Variants in SAMHD1 observed in about 807,000 individuals in gnomAD.
SAMHD1 encodes SAM and HD domain containing deoxynucleoside triphosphate triphosphohydrolase 1.
A neutral mutation model predicts 79.6 loss-of-function variants in SAMHD1; 54 were observed. The observed-to-expected ratio is 0.68, with a 90% CI of 0.55 to 0.85. SAMHD1 has a LOEUF of 0.85. Among genes scored for constraint, SAMHD1 ranks in the 40% least tolerant of loss-of-function variants. The pLI, the probability that SAMHD1 is intolerant of heterozygous loss-of-function variation, is 0.00. For synonymous variants in SAMHD1, 260 were observed against 264.1 expected, an observed-to-expected ratio of 0.98 and a Z score of 0.15; for missense variants, 663 against 782.7, an observed-to-expected ratio of 0.85 and a Z score of 1.82.
At chr20:36,927,059 C>G in intron 6 of SAMHD1, 123 bp downstream of exon 6, 1 of 842,968 alleles carries the variant, frequency 1.2e-6, no homozygotes, top group Non-Finnish European at 2.0e-6. Flanking sequence ...AATGAAAGCA[C>G]CCTGGACACT....
chr20:36,920,783 C>G (rs2063499549), intron 6 of SAMHD1, among the ~76,000 whole-genome samples: 2 of 149,226 alleles, frequency 1.3e-5, no homozygotes, highest in Admixed American at 1.3e-4. Flanking sequence ...AAAAAAAAAC[C>G]CACAAAAACA....
chr20:36,898,104 T>C, intron 14 of SAMHD1, 145 bp from the exon 15 acceptor site: 1 of 1,023,184 alleles, frequency 9.8e-7, no homozygotes, highest in Non-Finnish European at 1.5e-6. Context: ...CAATCACAGC[T>C]CACTGAAGCC....
chr20:36,912,777 T>G (rs996504893), intron 9 of SAMHD1, among the ~76,000 whole-genome samples: 1 of 142,168 alleles, frequency 7.0e-6, no homozygotes, highest in African/African-American at 2.6e-5. Flanking sequence ...TTTTTTTTTT[T>G]AAAAGATGAG....
At chr20:36,930,445 G>A (rs532414292) in intron 5 of SAMHD1, among the ~76,000 whole-genome samples, 40 of 151,316 alleles carry the variant, frequency 2.6e-4, no homozygotes, top group African/African-American at 9.5e-4. Flanking sequence ...GCAGTGAACC[G>A]ATAATGAGCC....
At position 36,947,310 on chromosome 20, in the gene SAMHD1, G is replaced by GGTGTGTGTGT. The variant is rs35061251; in HGVS notation, c.209-516_209-507dup. Among the ~76,000 whole-genome samples, 279 of 85,132 alleles carry GGTGTGTGTGT rather than the reference G, an allele frequency of 3.3e-3. 16 individuals are homozygous for GGTGTGTGTGT. The highest frequency in any genetic ancestry group is 0.013 in the South Asian group (23 of 1,840). 55.8% of individuals were successfully genotyped at this position (85,132 alleles called of 152,430 possible). ...GCACTCAATACTCTGATTTGGAAGA[G>GGTGTGTGTGT]GTGTGTGTGTGTGTGTGTGTGTGTG... On this transcript the variant is annotated intron_variant, in intron 1 of 15. Transcript: ENST00000646673.
In SAMHD1 at chr20:36,917,061, G is replaced by A; in HGVS notation, c.853-12C>T. On this transcript the variant is annotated splice_polypyrimidine_tract_variant and intron_variant, in intron 7 of 15. Coordinates refer to ENST00000646673, the MANE Select transcript of SAMHD1 (RefSeq NM_015474.4). ...CCTTTATATGGCCACTGGAAGGCAA[G>A]AAAACCCACTGGAAGTTTTAGGATA... 6.3e-7 allele frequency: 1 copy of A among 1,579,484 alleles called. No homozygotes were observed. The highest frequency in any genetic ancestry group is 8.7e-7 in the Non-Finnish European group (1 of 1,148,794).
At position 36,951,577 on chromosome 20, in the gene SAMHD1, A is replaced by AG. The variant is rs1442728513; in HGVS notation, c.66dup (p.Ser23LeufsTer38). ...TCTGCCTCTGCGGAAGGGGTGTTTG[A>AG]GGGGGTTCTCGGGCTGTCATCGCAA... On this transcript the variant is annotated frameshift_variant, in exon 1 of 16. Transcript: ENST00000646673. LOFTEE classifies it high-confidence loss of function. The AG allele has an allele frequency of 6.2e-7, 1 of 1,614,040 alleles. No homozygotes were observed. Among genetic ancestry groups the AG allele is most frequent in the Non-Finnish European group, 8.5e-7 (1 of 1,179,962 alleles).
intron 1 of SAMHD1, among the ~76,000 whole-genome samples, chr20:36,949,470 A>G (rs1467958480): frequency 6.7e-6 from 1 of 149,162 alleles, no homozygotes; most frequent in African/African-American, 2.5e-5. Context: ...AAAAAAAAAA[A>G]ATGAGGCCGG....
intron 15 of SAMHD1, among the ~76,000 whole-genome samples, chr20:36,895,324 C>G (rs920428268): frequency 6.6e-6 from 1 of 151,940 alleles, no homozygotes; most frequent in African/African-American, 2.4e-5. Flanking sequence ...GACAACTCCT[C>G]ACTCAACCTT....
chr20:36,948,869 AAAAAAAAAAAAAG>A (rs1440631231), intron 1 of SAMHD1, among the ~76,000 whole-genome samples: 1 of 133,992 alleles, frequency 7.5e-6, no homozygotes, highest in Non-Finnish European at 1.6e-5. Context: ...CTGTCTCAAA[AAAAAAAAAAAAAG>A]AAAAGAAAAA....
At position 36,951,626 on chromosome 20, in the gene SAMHD1, G is replaced by T. The variant is rs149098281; in HGVS notation, c.18C>A (p.Ser6=). MQRAD[S]EQPSKRPRCD... is the part of the protein sequence containing the mutation. ...AACGGGGACGCTTGGAGGGCTGCTCGGAATCGGCTCGCTGCATGGCTACAC... is the reference window on the plus strand; with the variant it reads ...AACGGGGACGCTTGGAGGGCTGCTCTGAATCGGCTCGCTGCATGGCTACAC... The change falls in exon 1 of 16, where the codon TCC becomes TCA. Residue 6 remains serine, a synonymous_variant. Transcript: ENST00000646673. 5 of 1,613,734 alleles carry T rather than the reference G, an allele frequency of 3.1e-6. No individual in the cohort carries two copies. The African/African-American group carries it at 6.7e-5, about 22-fold the overall frequency.
chr20:36,924,094 T>C (rs1451995254), intron 6 of SAMHD1, among the ~76,000 whole-genome samples: 2 of 151,854 alleles, frequency 1.3e-5, no homozygotes, highest in Non-Finnish European at 2.9e-5. Flanking sequence ...CTACAAAAAA[T>C]ATAAAAAATT....
At chr20:36,938,176 T>C (rs1321961635) in intron 3 of SAMHD1, among the ~76,000 whole-genome samples, 1 of 152,158 alleles carries the variant, frequency 6.6e-6, no homozygotes, top group African/African-American at 2.4e-5. Context: ...CCAACAATGT[T>C]CTTTTTACAG....
At chr20:36,940,874 ACT>A in intron 3 of SAMHD1, 163 bp downstream of exon 3, 1 of 642,896 alleles carries the variant, frequency 1.6e-6, no homozygotes, top group Non-Finnish European at 2.8e-6. Context: ...TGATTTAAAT[ACT>A]CTGTGCTCAT....
intron 6 of SAMHD1, among the ~76,000 whole-genome samples, chr20:36,924,349 G>C (rs1384071013): frequency 6.7e-6 from 1 of 148,418 alleles, no homozygotes; most frequent in African/African-American, 2.5e-5. Flanking sequence ...AAGGAAGGAA[G>C]GGAAAAAGAG....
At chr20:36,917,560 A>G (rs1333771158) in intron 7 of SAMHD1, among the ~76,000 whole-genome samples, 3 of 152,170 alleles carry the variant, frequency 2.0e-5, no homozygotes, top group African/African-American at 7.2e-5. Flanking sequence ...CTGAGGCAGG[A>G]GAATCGCCTG....
At chr20:36,911,742 TAGG>T (rs2063442026) in intron 10 of SAMHD1, 1 of 195,988 alleles carries the variant, frequency 5.1e-6, no homozygotes, top group Non-Finnish European at 1.1e-5. Flanking sequence ...AACATACAAA[TAGG>T]AGAAGGTATT....
Position 36,912,889 on chromosome 20 carries a change from G to GTTTTTTTTTTTTTT in SAMHD1, c.1063-351_1063-338dup, listed in dbSNP as rs71186089. On this transcript the variant is annotated intron_variant, in intron 9 of 15. Transcript: ENST00000646673. ...TGTACCCAGCTAACTTTCATTCTTT[G>GTTTTTTTTTTTTTT]TTTTTTTTTTTTTTTTTTTTTTTTT... 4.6e-4 allele frequency among the ~76,000 whole-genome samples: 19 copies of GTTTTTTTTTTTTTT among 41,104 alleles called. 5 individuals are homozygous for GTTTTTTTTTTTTTT. The highest frequency in any genetic ancestry group is 1.3e-3 in the African/African-American group (12 of 9,548). 27.0% of individuals were successfully genotyped at this position (41,104 alleles called of 152,430 possible).
Position 36,951,459 on chromosome 20 carries a change from G to C in SAMHD1, c.185C>G (p.Pro62Arg). Residue 62 changes from proline (P) to arginine (R), a missense_variant, in exon 1 of 16, where the codon CCG becomes CGG. By Grantham distance (103) the Pro-to-Arg change is moderately radical. Coordinates refer to ENST00000646673, the MANE Select transcript of SAMHD1 (RefSeq NM_015474.4). Reference sequence around the variant, plus strand: ...ACCTCGGATGTTCTTCAGCAGCACCGGCTCTTCAAAGCCACCGCGCCTGAG... The same window carrying C: ...ACCTCGGATGTTCTTCAGCAGCACCCGCTCTTCAAAGCCACCGCGCCTGAG... Reference protein sequence around the residue: ...SFLRRGGFEEPVLLKNIRENE... With the variant: ...SFLRRGGFEERVLLKNIRENE... 6.2e-7 allele frequency: 1 copy of C among 1,614,054 alleles called. No homozygotes were observed. The highest frequency in any genetic ancestry group is 8.5e-7 in the Non-Finnish European group (1 of 1,179,978).
Sources: allele counts gnomAD v4.1 joint callset (sites outside exome capture counted in the v4.1 genomes callset), GRCh38; gene constraint gnomAD v4.1.1; transcripts MANE v1.5; gene names NCBI Gene and HGNC (gene_info 2026-07-23, HGNC 2026-07-21).